EPB41L4A: variants seen among roughly 807,000 people sequenced by gnomAD.
EPB41L4A encodes band 4.1-like protein 4A.
EPB41L4A carries 100 observed loss-of-function variants against 108.6 expected under a neutral mutation model. The observed-to-expected ratio is 0.92, with a 90% CI of 0.78 to 1.09. The LOEUF (loss-of-function observed/expected upper bound fraction) is 1.09, where lower values mean the gene tolerates loss of function less well. Among genes scored for constraint, EPB41L4A ranks in the 50% least tolerant of loss-of-function variants. EPB41L4A has a pLI of 0.00. For missense variants in EPB41L4A, 1,030 were observed against 842.7 expected (o/e 1.22, Z -2.75); for synonymous variants, 319 against 289.0 (o/e 1.10, Z -1.05).
At chr5:112,262,173 G>A (rs961673748) in intron 7 of EPB41L4A, among the ~76,000 whole-genome samples, 1 of 152,080 alleles carries the variant, frequency 6.6e-6, no homozygotes, top group Non-Finnish European at 1.5e-5. Context: ...ATTACTTACA[G>A]GCATGAGCAA....
In EPB41L4A at chr5:112,239,661, T is replaced by G. The variant is rs1482833442; in HGVS notation, c.964A>C (p.Ser322Arg). Residue 322 changes from serine to arginine, a missense_variant and splice_region_variant, in exon 11 of 23, where the codon AGT (serine) becomes CGT (arginine). Ser to Arg is a moderately radical substitution (Grantham distance 110). Coordinates refer to ENST00000261486, the MANE Select transcript of EPB41L4A (RefSeq NM_022140.5). ...CCCAAGGAAAAAAATGTCATTTACCTGTAGCGGTGCTTATAACGTATGGAT... is the reference window on the plus strand; with the variant it reads ...CCCAAGGAAAAAAATGTCATTTACCGGTAGCGGTGCTTATAACGTATGGAT... ...FGSIRYKHRY[S>R]GRTALQMSRD... 1.9e-6 allele frequency: 3 copies of G among 1,594,474 alleles called. No individual in the cohort carries two copies. The South Asian group carries it at 3.4e-5, about 18-fold the overall frequency.
downstream of EPB41L4A, among the ~76,000 whole-genome samples, chr5:112,159,270 C>T (rs1344926399): frequency 6.6e-6 from 1 of 152,062 alleles, no homozygotes; most frequent in African/African-American, 2.4e-5. Flanking sequence ...CTTTTCTTCT[C>T]TTTCCTTCTT....
intron 12 of EPB41L4A, among the ~76,000 whole-genome samples, chr5:112,148,770 A>G (rs1043756328): frequency 6.6e-6 from 1 of 152,158 alleles, no homozygotes; most frequent in Non-Finnish European, 1.5e-5. Flanking sequence ...TTGCTTTTTA[A>G]TATCAAGTAA....
At chr5:112,379,666 C>T (rs1001308552) in intron 1 of EPB41L4A, among the ~76,000 whole-genome samples, 6 of 152,166 alleles carry the variant, frequency 3.9e-5, no homozygotes, top group African/African-American at 7.2e-5. Context: ...CATAAGAAGA[C>T]GACCAACACT....
chr5:112,270,360 G>A (rs146233555), intron 4 of EPB41L4A, among the ~76,000 whole-genome samples: 4 of 152,250 alleles, frequency 2.6e-5, no homozygotes, highest in Non-Finnish European at 2.9e-5. Flanking sequence ...GAGTGTGATC[G>A]TTACCTTCAT....
At chr5:112,298,046 G>A (rs1186489933) in intron 2 of EPB41L4A, among the ~76,000 whole-genome samples, 1 of 152,112 alleles carries the variant, frequency 6.6e-6, no homozygotes, top group Non-Finnish European at 1.5e-5. Context: ...AGTATAGTTT[G>A]AAATCAGGTA....
At chr5:112,271,519 A>G (rs1416647831) in intron 4 of EPB41L4A, among the ~76,000 whole-genome samples, 1 of 152,242 alleles carries the variant, frequency 6.6e-6, no homozygotes, top group Non-Finnish European at 1.5e-5. Flanking sequence ...CAATCTTCTC[A>G]GGATTACAGA....
intron 1 of EPB41L4A, among the ~76,000 whole-genome samples, chr5:112,333,015 T>C (rs12517378): frequency 0.016 from 2,469 of 152,362 alleles, 44 homozygotes; most frequent in Admixed American, 0.039. Context: ...TTTATAAGCA[T>C]AAATTGCATT....
At chr5:112,160,168 C>A (rs1561435304), downstream of EPB41L4A, among the ~76,000 whole-genome samples, 1 of 152,014 alleles carries the variant, frequency 6.6e-6, no homozygotes, top group Admixed American at 6.6e-5. Flanking sequence ...CCTCAGCCTG[C>A]CAAAGTGCTG....
At chr5:112,236,904 T>C (rs75128777) in intron 11 of EPB41L4A, among the ~76,000 whole-genome samples, 3,840 of 152,264 alleles carry the variant, frequency 0.025, 166 homozygotes, top group African/African-American at 0.088. Context: ...AAGCTGCACA[T>C]GTGAAAGCAA....
chr5:112,323,308 A>T (rs1755926165), intron 1 of EPB41L4A, among the ~76,000 whole-genome samples: 2 of 152,212 alleles, frequency 1.3e-5, no homozygotes, highest in East Asian at 3.9e-4. Context: ...AAGCTTAGGC[A>T]GCAATAAGAA....
intron 12 of EPB41L4A, chr5:112,228,669 T>A: frequency 3.1e-6 from 3 of 980,458 alleles, no homozygotes; most frequent in Non-Finnish European, 3.6e-6. Flanking sequence ...ATTGCCTACT[T>A]ACAGCAGAGA....
In EPB41L4A at chr5:112,169,024, A is replaced by G; in HGVS notation, c.1821T>C (p.Asp607=). The part of the protein sequence containing the change: ...YRQYRRSQCS[D]GERSVLSEVN... ...CTTCCGAGAGAACTGATCGCTCCCC[A>G]TCTGAACACTGGGACCTGCGATACT... The change falls in exon 21 of 23, where the codon GAT becomes GAC. Residue 607 remains aspartate (D), a synonymous_variant. Transcript: ENST00000261486. 4 of 1,614,020 alleles carry G rather than the reference A, an allele frequency of 2.5e-6. No homozygotes were observed. In the Middle Eastern group the frequency reaches 6.6e-4, roughly 266 times the overall value.
Position 112,339,542 on chromosome 5 carries a change from A to AGATATAT in EPB41L4A, c.100-32053_100-32052insATATATC, listed in dbSNP as rs1554100085. ...TAGATATATATCTATATATATATAT[A>AGATATAT]TTTTTTTTTTAGACAGAGTCTCATT... On this transcript the variant is annotated intron_variant, in intron 1 of 22. Coordinates refer to ENST00000261486, the MANE Select transcript of EPB41L4A (RefSeq NM_022140.5). 1.8e-5 allele frequency among the ~76,000 whole-genome samples: 2 copies of AGATATAT among 110,684 alleles called. 1 individual carries two copies. The highest frequency in any genetic ancestry group is 3.8e-5 in the Non-Finnish European group (2 of 52,366). The allele number at this position is 110,684 out of a possible 152,430, so 72.6% of individuals were successfully genotyped here. A position where few individuals can be genotyped will look rare whatever the true frequency, so the allele number is the denominator to read the frequency against.
intron 1 of EPB41L4A, among the ~76,000 whole-genome samples, chr5:112,315,594 A>G (rs1755379091): frequency 6.6e-6 from 1 of 152,210 alleles, no homozygotes. Flanking sequence ...TTTACTTTTA[A>G]CTTTAAAATA....
At chr5:112,161,934 C>G (rs1298619576), downstream of EPB41L4A, 3 of 159,612 alleles carry the variant, frequency 1.9e-5, no homozygotes, top group Admixed American at 1.9e-4. Flanking sequence ...GCCTCCACAG[C>G]TTATTTTTGG....
chr5:112,402,755 A>G (rs1761847961), intron 1 of EPB41L4A, among the ~76,000 whole-genome samples: 1 of 152,186 alleles, frequency 6.6e-6, no homozygotes, highest in Admixed American at 6.5e-5. Context: ...AACTTTTCAA[A>G]AGCACATTTT....
At chr5:112,351,165 A>C (rs1314307971) in intron 1 of EPB41L4A, among the ~76,000 whole-genome samples, 1 of 152,238 alleles carries the variant, frequency 6.6e-6, no homozygotes, top group Non-Finnish European at 1.5e-5. Context: ...TTGAGACTAG[A>C]AAATACAAGG....
chr5:112,284,579 T>C (rs1169106238), intron 2 of EPB41L4A, among the ~76,000 whole-genome samples: 1 of 152,186 alleles, frequency 6.6e-6, no homozygotes, highest in African/African-American at 2.4e-5. Context: ...AGTCTGTATA[T>C]GCTGACAAGC....
Sources: gnomAD v4.1 joint callset for allele counts (sites outside exome capture counted in the v4.1 genomes callset) on GRCh38, gnomAD v4.1.1 for gene constraint, MANE v1.5 for transcripts, NCBI Gene and HGNC (gene_info 2026-07-23, HGNC 2026-07-21) for gene names.